Variants in GATAD2B observed in about 807,000 individuals in gnomAD.
The protein encoded by GATAD2B is GATA zinc finger domain containing 2B, also known as transcriptional repressor p66-beta.
Under a neutral mutation model 64.3 loss-of-function variants are expected in GATAD2B, and 8 were observed. The ratio of observed to expected loss-of-function variants is 0.12; its 90% CI spans 0.07 to 0.22. The LOEUF (loss-of-function observed/expected upper bound fraction) is 0.22, where lower values mean the gene tolerates loss of function less well. Ranked by LOEUF, GATAD2B falls within the 10% of genes least tolerant of loss-of-function variation. The pLI, the probability that GATAD2B is intolerant of heterozygous loss-of-function variation, is 1.00. For missense variants in GATAD2B, 453 were observed against 752.0 expected, an observed-to-expected ratio of 0.60 and a Z score of 4.65; for synonymous variants, 281 against 271.3, an observed-to-expected ratio of 1.04 and a Z score of -0.35.
intron 1 of GATAD2B, among the ~76,000 whole-genome samples, chr1:153,851,004 C>T (rs1335136240): frequency 6.6e-6 from 1 of 151,824 alleles, no homozygotes; most frequent in African/African-American, 2.4e-5. Context: ...TTCAAGTGTA[C>T]AATACATTAA....
chr1:153,837,957 A>C (rs1202598884), intron 1 of GATAD2B, among the ~76,000 whole-genome samples: 1 of 152,226 alleles, frequency 6.6e-6, no homozygotes, highest in Non-Finnish European at 1.5e-5. Flanking sequence ...GCTATTGGAC[A>C]CTTTATCACG....
At chr1:153,866,921 T>C (rs1210687193) in intron 1 of GATAD2B, among the ~76,000 whole-genome samples, 2 of 152,064 alleles carry the variant, frequency 1.3e-5, no homozygotes, top group African/African-American at 2.4e-5. Context: ...GCTGGGATTA[T>C]AGGCGCACAC....
intron 1 of GATAD2B, chr1:153,852,141 C>T (rs1675919009): frequency 1.4e-6 from 1 of 700,034 alleles, no homozygotes; most frequent in African/African-American, 1.8e-5. Context: ...CCTGGCTGCT[C>T]TTGTCCATCT....
At chr1:153,886,275 C>G (rs1307967281) in intron 1 of GATAD2B, 1 of 152,172 alleles carries the variant, frequency 6.6e-6, no homozygotes, top group Non-Finnish European at 1.5e-5. Flanking sequence ...TGTATTTAAA[C>G]AAACCTAGAT....
chr1:153,882,884 G>T (rs752729825), intron 1 of GATAD2B, among the ~76,000 whole-genome samples: 3 of 152,120 alleles, frequency 2.0e-5, no homozygotes, highest in Non-Finnish European at 2.9e-5. Context: ...TGCTGATATG[G>T]GGTCAGAAAA....
Position 153,862,118 on chromosome 1 carries a change from CT to C in GATAD2B, c.-1-33771del, listed in dbSNP as rs754580519. ...CAACGTATTTTACATACATTATATC[CT>C]TTTTTTTTTTTTTTTTTTTTTTAGA... On this transcript the variant is annotated intron_variant, in intron 1 of 10. Transcript: ENST00000368655. Among the ~76,000 whole-genome samples, 555 of 101,170 alleles carry C rather than the reference CT, an allele frequency of 5.5e-3. 1 individual carries two copies. Among genetic ancestry groups the C allele is most frequent in the African/African-American group, 0.014 (394 of 27,434 alleles). The allele number at this position is 101,170 out of a possible 152,430, so 66.4% of individuals were successfully genotyped here. A position where few individuals can be genotyped will look rare whatever the true frequency, so the allele number is the denominator to read the frequency against.
chr1:153,854,683 T>C (rs1676021342), intron 1 of GATAD2B, among the ~76,000 whole-genome samples: 1 of 152,246 alleles, frequency 6.6e-6, no homozygotes, highest in South Asian at 2.1e-4. Flanking sequence ...ATATAGTCTA[T>C]TATACTGCCA....
At chr1:153,848,580 T>G (rs931165768) in intron 1 of GATAD2B, among the ~76,000 whole-genome samples, 31 of 152,226 alleles carry the variant, frequency 2.0e-4, no homozygotes, top group African/African-American at 7.5e-4. Context: ...ATATACTAAT[T>G]CTCAAATTGA....
intron 1 of GATAD2B, among the ~76,000 whole-genome samples, chr1:153,858,376 C>A (rs1341764289): frequency 6.6e-6 from 1 of 151,988 alleles, no homozygotes; most frequent in Non-Finnish European, 1.5e-5. Context: ...CATGGCAAAA[C>A]CCCATGTCTA....
In GATAD2B at chr1:153,817,614, A is replaced by T. The variant is rs1570928658; in HGVS notation, c.730-72T>A. The T allele has an allele frequency of 5.6e-6, 6 of 1,078,910 alleles. No homozygotes were observed. The East Asian group carries it at 1.6e-4, about 30-fold the overall frequency. 66.8% of individuals were successfully genotyped at this position (1,078,910 alleles called of 1,614,324 possible). Reference sequence around the variant, plus strand: ...TGTATAATACAGCACAAAATGCAAAAGGGAAAACACTGCCTATAATACATA... The same window carrying T: ...TGTATAATACAGCACAAAATGCAAATGGGAAAACACTGCCTATAATACATA... On this transcript the variant is annotated intron_variant, in intron 5 of 10. Transcript: ENST00000368655.
intron 2 of GATAD2B, among the ~76,000 whole-genome samples, chr1:153,826,525 G>A (rs1345292516): frequency 6.6e-6 from 1 of 152,136 alleles, no homozygotes; most frequent in Non-Finnish European, 1.5e-5. Context: ...CTACTTAGGG[G>A]AGTAGAGAGG....
intron 1 of GATAD2B, among the ~76,000 whole-genome samples, chr1:153,904,918 G>A (rs1016176271): frequency 2.0e-5 from 3 of 152,074 alleles, no homozygotes; most frequent in African/African-American, 7.2e-5. Context: ...TATTGGTCAG[G>A]CTGGTCTCGA....
chr1:153,897,987 A>T (rs1398034292), intron 1 of GATAD2B, among the ~76,000 whole-genome samples: 1 of 145,328 alleles, frequency 6.9e-6, no homozygotes, highest in East Asian at 2.0e-4. Flanking sequence ...CTCAAAAAAC[A>T]AACAGAAAAA....
chr1:153,846,553 CG>C (rs1352333476), intron 1 of GATAD2B, among the ~76,000 whole-genome samples: 2 of 145,648 alleles, frequency 1.4e-5, no homozygotes, highest in African/African-American at 5.1e-5. Context: ...TTGTTCTTTG[CG>C]TTCTTTTTTT....
At position 153,849,298 on chromosome 1, in the gene GATAD2B, C is replaced by T. The variant is rs577400917; in HGVS notation, c.-1-20950G>A. 9.9e-5 allele frequency among the ~76,000 whole-genome samples: 15 copies of T among 152,284 alleles called. No individual in the cohort carries two copies. In the East Asian group the frequency reaches 2.5e-3, roughly 25 times the overall value. On this transcript the variant is annotated intron_variant, in intron 1 of 10. Transcript: ENST00000368655. Reference sequence around the variant, plus strand: ...TAGCAGATGGCAAAGAGAGGGTGCCCTTTTATAACAACATTAATCCCACCC... The same window carrying T: ...TAGCAGATGGCAAAGAGAGGGTGCCTTTTTATAACAACATTAATCCCACCC...
rs1674428829 is a variant in GATAD2B at position 153,815,280 on chromosome 1, C to CAAAACAA, written c.1216+992_1216+993insTTGTTTT. On this transcript the variant is annotated intron_variant, in intron 7 of 10. Transcript: ENST00000368655. ...AGGGTCAGACCCTGTCTCAAAAAAA[C>CAAAACAA]AAAAAAAAAAAACAAAAAAAAAAAA... is the stretch of plus-strand genomic sequence containing the variant. Among the ~76,000 whole-genome samples, 29 of 66,620 alleles carry CAAAACAA rather than the reference C, an allele frequency of 4.4e-4. 1 individual carries two copies. Among genetic ancestry groups the CAAAACAA allele is most frequent in the Non-Finnish European group, 6.7e-4 (25 of 37,056 alleles). 43.7% of individuals were successfully genotyped at this position (66,620 alleles called of 152,430 possible). A position where few individuals can be genotyped will look rare whatever the true frequency, so the allele number is the denominator to read the frequency against.
At chr1:153,832,548 C>G (rs1273405005) in intron 1 of GATAD2B, among the ~76,000 whole-genome samples, 1 of 152,174 alleles carries the variant, frequency 6.6e-6, no homozygotes, top group Non-Finnish European at 1.5e-5. Context: ...CAGCAGTAGC[C>G]AAGTCCTGAT....
intron 1 of GATAD2B, among the ~76,000 whole-genome samples, chr1:153,870,797 A>G (rs1441937497): frequency 6.6e-6 from 1 of 152,198 alleles, no homozygotes; most frequent in Admixed American, 6.6e-5. Flanking sequence ...CAAAATCCAA[A>G]AAAATCCAAC....
In GATAD2B at chr1:153,816,686, T is replaced by C; in HGVS notation, c.901-98A>G. On this transcript the variant is annotated intron_variant, in intron 6 of 10. Transcript: ENST00000368655. This position sits in a 1 kb window ranked among gnomAD's most constrained non-coding sequence, Gnocchi z 4.9. The stretch of plus-strand genomic sequence containing the variant: ...GACACTGTCTGATCCTGGTTTGGAC[T>C]ACTTAGCTTCTCCAAAAATAGGAGG... 1.4e-6 allele frequency: 1 copy of C among 732,138 alleles called. No individual in the cohort carries two copies. The allele number at this position is 732,138 out of a possible 1,614,324, so 45.4% of individuals were successfully genotyped here.
Sources: allele counts gnomAD v4.1 joint callset (sites outside exome capture counted in the v4.1 genomes callset), GRCh38; gene constraint gnomAD v4.1.1; non-coding constraint Gnocchi (gnomAD v3.1); transcripts MANE v1.5; gene names NCBI Gene and HGNC (gene_info 2026-07-23, HGNC 2026-07-21).